Variants in ZAN observed in about 807,000 individuals in gnomAD.
The protein encoded by ZAN is zonadhesin (gene/pseudogene).
In ZAN, 260 loss-of-function variants were observed where a neutral mutation model predicts 286.2. That is an observed-to-expected ratio of 0.91 (90% confidence interval 0.82 to 1.01). ZAN has a LOEUF of 1.01. Ranked by LOEUF, ZAN falls within the 50% of genes least tolerant of loss-of-function variation. The probability of loss-of-function intolerance (pLI) is 0.00; values close to 1 mark genes in which losing one functional copy is unlikely to be tolerated. For synonymous variants in ZAN, 1,368 were observed against 1,417.5 expected (o/e 0.97, Z 0.79); for missense variants, 3,410 against 3,639.2 (o/e 0.94, Z 1.62).
intron 34 of ZAN, among the ~76,000 whole-genome samples, chr7:100,777,193 G>A (rs1451108330): frequency 3.4e-5 from 5 of 147,872 alleles, no homozygotes; most frequent in African/African-American, 7.5e-5. Context: ...ACAGGCACCC[G>A]CCACCACGCC....
chr7:100,763,048 T>A lies in ZAN; in HGVS notation c.3986+690T>A, dbSNP rs573580208. Among the ~76,000 whole-genome samples the A allele has an allele frequency of 1.6e-4, 24 of 150,888 alleles. No homozygotes were observed. The South Asian group carries it at 4.7e-3, about 29-fold the overall frequency. On this transcript the variant is annotated intron_variant, in intron 20 of 47. Transcript: ENST00000613979. The surrounding 1 kb of genome is among the most constrained non-coding windows in gnomAD (Gnocchi z 4.6). Reference sequence around the variant, plus strand: ...GTGTAGTTGTGCAATCTCAGCTCACTGAAACCTCTGCCTCCTGGGCTCAAG... The same window carrying A: ...GTGTAGTTGTGCAATCTCAGCTCACAGAAACCTCTGCCTCCTGGGCTCAAG...
chr7:100,797,603 T>TG lies in ZAN; in HGVS notation c.8395dup (p.Ala2799GlyfsTer37), dbSNP rs1403550208. 6.2e-7 allele frequency: 1 copy of TG among 1,613,892 alleles called. No homozygotes were observed. Among genetic ancestry groups the TG allele is most frequent in the South Asian group, 1.1e-5 (1 of 91,066 alleles). The stretch of plus-strand genomic sequence containing the variant: ...GAGAAAACGCAGGAGGGAGACAGAC[T>TG]GGCCAGGCTGGTGGACACAGGTGAG... On this transcript the variant is annotated frameshift_variant, in exon 47 of 48. Coordinates refer to ENST00000613979, the MANE Select transcript of ZAN (RefSeq NM_003386.3). LOFTEE classifies it low-confidence loss of function (END_TRUNC).
chr7:100,738,405 C>A lies in ZAN; in HGVS notation c.614-56C>A, dbSNP rs1360635951. 11 of 1,388,656 alleles carry A rather than the reference C, an allele frequency of 7.9e-6. 1 individual carries two copies. The African/African-American group carries it at 1.5e-4, about 19-fold the overall frequency. The allele number at this position is 1,388,656 out of a possible 1,614,324, so 86.0% of individuals were successfully genotyped here. On this transcript the variant is annotated intron_variant, in intron 6 of 47. Coordinates refer to ENST00000613979, the MANE Select transcript of ZAN (RefSeq NM_003386.3). Reference sequence around the variant, plus strand: ...TGTACTCTAGCCTGGGTGACAGAGACCCTGTCTCTAAAAAAGAAGAAAACA... The same window carrying A: ...TGTACTCTAGCCTGGGTGACAGAGAACCTGTCTCTAAAAAAGAAGAAAACA...
intron 27 of ZAN, among the ~76,000 whole-genome samples, chr7:100,769,418 G>C (rs1408334008): frequency 6.6e-6 from 1 of 151,914 alleles, no homozygotes; most frequent in Non-Finnish European, 1.5e-5. Flanking sequence ...GCTTCGGTTT[G>C]GGAGATGGTT....
chr7:100,770,762 C>A (rs1810319079), intron 28 of ZAN, among the ~76,000 whole-genome samples: 1 of 151,516 alleles, frequency 6.6e-6, no homozygotes, highest in Non-Finnish European at 1.5e-5. Flanking sequence ...TCAAGTAATC[C>A]TCCCGCCTCA....
chr7:100,760,594 C>A (rs1809497137), intron 19 of ZAN, 58 bp downstream of exon 19: 2 of 1,595,274 alleles, frequency 1.3e-6, no homozygotes, highest in East Asian at 4.5e-5. Flanking sequence ...CTTCCTGCTG[C>A]CTCTTCTTCC....
intron 40 of ZAN, among the ~76,000 whole-genome samples, 153 bp from the exon 41 acceptor site, chr7:100,791,813 C>T (rs538728472): frequency 4.6e-5 from 7 of 151,812 alleles, no homozygotes; most frequent in Non-Finnish European, 8.8e-5. Context: ...CTGCAGTTTC[C>T]ACCTCCTGGG....
intron 2 of ZAN, among the ~76,000 whole-genome samples, chr7:100,734,702 C>A (rs565007512): frequency 7.2e-6 from 1 of 138,790 alleles, no homozygotes; most frequent in Non-Finnish European, 1.6e-5. Flanking sequence ...GACTGCTGAA[C>A]AGGAATTAAG....
intron 19 of ZAN, among the ~76,000 whole-genome samples, chr7:100,761,549 G>T (rs1809580373): frequency 6.6e-6 from 1 of 151,976 alleles, no homozygotes; most frequent in Non-Finnish European, 1.5e-5. Flanking sequence ...TGGGAGAATC[G>T]CTTGAACCCA....
intron 40 of ZAN, among the ~76,000 whole-genome samples, chr7:100,791,730 T>A (rs1056579012): frequency 2.0e-5 from 3 of 151,876 alleles, no homozygotes; most frequent in African/African-American, 7.3e-5. Context: ...TTTCTTTTTT[T>A]AAAATATATT....
chr7:100,741,578 C>T (rs1807770472), intron 7 of ZAN, among the ~76,000 whole-genome samples: 1 of 21,196 alleles, frequency 4.7e-5, no homozygotes, highest in African/African-American at 1.1e-4. Context: ...ACCCCCACCT[C>T]CCTCCCGGAC....
intron 31 of ZAN, among the ~76,000 whole-genome samples, chr7:100,774,920 T>TTTG (rs1810646962): frequency 2.5e-5 from 3 of 120,604 alleles, no homozygotes; most frequent in Non-Finnish European, 5.4e-5. Context: ...CCCTGGGGTT[T>TTTG]TTTGTTTGTT....
chr7:100,739,743 C>T lies in ZAN; in HGVS notation c.766+1130C>T, dbSNP rs1165477349. Among the ~76,000 whole-genome samples the T allele has an allele frequency of 6.4e-5, 9 of 139,570 alleles. 3 individuals carry two copies. Among genetic ancestry groups the T allele is most frequent in the Non-Finnish European group, 1.1e-4 (7 of 62,198 alleles). 91.6% of individuals were successfully genotyped at this position (139,570 alleles called of 152,430 possible). Reference sequence around the variant, plus strand: ...CTCTATCTCGGCTCACTGCAAGCTCCGCTGCCCAGGTTCAATTGATTCTCC... The same window carrying T: ...CTCTATCTCGGCTCACTGCAAGCTCTGCTGCCCAGGTTCAATTGATTCTCC... On this transcript the variant is annotated intron_variant, in intron 7 of 47. Coordinates refer to ENST00000613979, the MANE Select transcript of ZAN (RefSeq NM_003386.3).
intron 4 of ZAN, 64 bp downstream of exon 4, chr7:100,736,693 G>C (rs1399940638): frequency 6.7e-7 from 1 of 1,498,562 alleles, no homozygotes; most frequent in African/African-American, 1.4e-5. Flanking sequence ...GGAGTGGCTA[G>C]ATGGAGAGAG....
chr7:100,761,766 A>G (rs536681700), intron 19 of ZAN, among the ~76,000 whole-genome samples: 8 of 151,742 alleles, frequency 5.3e-5, no homozygotes, highest in Admixed American at 1.3e-4. Context: ...GTGAAACCCC[A>G]TCTCTACTAA....
In ZAN at chr7:100,737,249, T is replaced by C; in HGVS notation, c.526-13T>C. 6.8e-7 allele frequency: 1 copy of C among 1,470,170 alleles called. No individual in the cohort carries two copies. Among genetic ancestry groups the C allele is most frequent in the South Asian group, 1.2e-5 (1 of 83,386 alleles). 91.1% of individuals were successfully genotyped at this position (1,470,170 alleles called of 1,614,324 possible). A position where few individuals can be genotyped will look rare whatever the true frequency, so the allele number is the denominator to read the frequency against. On this transcript the variant is annotated splice_polypyrimidine_tract_variant and intron_variant, in intron 5 of 47. Transcript: ENST00000613979. Reference sequence around the variant, plus strand: ...GGGGCTCATGGGGTTGGGGTCCCCTTATCCTCTTGCAGCTGATGTTTGAGG... The same window carrying C: ...GGGGCTCATGGGGTTGGGGTCCCCTCATCCTCTTGCAGCTGATGTTTGAGG...
chr7:100,762,080 T>C, intron 19 of ZAN, 135 bp from the exon 20 acceptor site: 3 of 1,099,618 alleles, frequency 2.7e-6, no homozygotes, highest in Non-Finnish European at 2.7e-6. Context: ...GGGGTCCTCT[T>C]GTCCAGTCCG....
chr7:100,783,855 A>G (rs1048277487), intron 35 of ZAN, among the ~76,000 whole-genome samples: 2 of 139,402 alleles, frequency 1.4e-5, no homozygotes, highest in African/African-American at 5.4e-5. Flanking sequence ...ATCACATTAA[A>G]TGTGTACATT....
intron 45 of ZAN, among the ~76,000 whole-genome samples, chr7:100,796,775 T>C (rs1812394094): frequency 6.6e-6 from 1 of 152,106 alleles, no homozygotes; most frequent in African/African-American, 2.4e-5. Context: ...GGGCTACTCT[T>C]TGAGAAATGC....
Sources: allele counts gnomAD v4.1 joint callset (sites outside exome capture counted in the v4.1 genomes callset), GRCh38; gene constraint gnomAD v4.1.1; non-coding constraint Gnocchi (gnomAD v3.1); transcripts MANE v1.5; gene names NCBI Gene and HGNC (gene_info 2026-07-23, HGNC 2026-07-21).